ST18: variants seen among roughly 807,000 people sequenced by gnomAD.
ST18 encodes suppression of tumorigenicity 18 protein.
ST18 carries 50 observed loss-of-function variants against 110.0 expected under a neutral mutation model. The observed-to-expected ratio is 0.45, with a 90% CI of 0.36 to 0.58. The LOEUF (loss-of-function observed/expected upper bound fraction) is 0.58. Among genes scored for constraint, ST18 ranks in the 20% least tolerant of loss-of-function variants. ST18 has a pLI of 0.00. For synonymous variants in ST18, 461 were observed against 452.4 expected, an observed-to-expected ratio of 1.02 and a Z score of -0.24; for missense variants, 1,306 against 1,280.1, an observed-to-expected ratio of 1.02 and a Z score of -0.31.
chr8:52,203,115 G>C lies in ST18; in HGVS notation c.86+8964C>G, dbSNP rs72641873. Among the ~76,000 whole-genome samples the C allele has an allele frequency of 3.1e-3, 475 of 152,208 alleles. 1 individual carries two copies. The highest frequency in any genetic ancestry group is 5.2e-3 in the Non-Finnish European group (354 of 68,000). Reference sequence around the variant, plus strand: ...ATAGATTCCTTGTCTTCAAAAAGTAGGCAGTATATTAAAAAGTCAGAATTA... The same window carrying C: ...ATAGATTCCTTGTCTTCAAAAAGTACGCAGTATATTAAAAAGTCAGAATTA... On this transcript the variant is annotated intron_variant, in intron 8 of 25. Coordinates refer to ENST00000689386, the MANE Select transcript of ST18 (RefSeq NM_001352837.2).
rs74823242 is a variant in ST18 at position 52,402,216 on chromosome 8, C to T, written c.-465+7112G>A. The stretch of plus-strand genomic sequence containing the variant: ...GTGGGCACACTTAGCTGAGGGGATC[C>T]CTGTTATTATCAGGTGTGACATGGG... On this transcript the variant is annotated intron_variant, in intron 2 of 25. Coordinates refer to ENST00000689386, the MANE Select transcript of ST18 (RefSeq NM_001352837.2). Among the ~76,000 whole-genome samples, 421 of 152,226 alleles carry T rather than the reference C, an allele frequency of 2.8e-3. 4 individuals are homozygous for T. The highest frequency in any genetic ancestry group is 9.9e-3 in the African/African-American group (410 of 41,550).
At chr8:52,295,940 G>C (rs1460309828) in intron 2 of ST18, among the ~76,000 whole-genome samples, 7 of 151,850 alleles carry the variant, frequency 4.6e-5, no homozygotes, top group Admixed American at 1.3e-4. Context: ...ACAGAACAGG[G>C]GAGCAGCTGC....
chr8:52,376,985 T>C (rs13280392), intron 2 of ST18, among the ~76,000 whole-genome samples: 114,791 of 152,132 alleles, frequency 0.75, 48,226 homozygotes, highest in Non-Finnish European at 0.93. Context: ...ATATCTTAAC[T>C]AATGGTCTCT....
At chr8:52,392,974 T>A (rs930853413) in intron 2 of ST18, among the ~76,000 whole-genome samples, 1 of 152,208 alleles carries the variant, frequency 6.6e-6, no homozygotes, top group Non-Finnish European at 1.5e-5. Context: ...TAGCCTCTGA[T>A]CCTTTGTTAC....
intron 2 of ST18, among the ~76,000 whole-genome samples, chr8:52,379,604 T>C (rs1833777161): frequency 6.6e-6 from 1 of 151,948 alleles, no homozygotes; most frequent in South Asian, 2.1e-4. Flanking sequence ...CCGGTAAATA[T>C]TGAAAAAAAA....
intron 5 of ST18, among the ~76,000 whole-genome samples, chr8:52,219,800 AC>A: frequency 6.6e-6 from 1 of 152,302 alleles, no homozygotes; most frequent in South Asian, 2.1e-4. Flanking sequence ...GAAACCTGAG[AC>A]CTGAAACAAG....
intron 8 of ST18, among the ~76,000 whole-genome samples, chr8:52,192,938 C>G (rs902785720): frequency 2.0e-5 from 3 of 152,150 alleles, no homozygotes; most frequent in African/African-American, 7.2e-5. Context: ...GTCACTGACC[C>G]TGGTCACTGG....
chr8:52,137,256 A>G (rs965133036), intron 18 of ST18, among the ~76,000 whole-genome samples, 165 bp downstream of exon 18: 2 of 152,204 alleles, frequency 1.3e-5, no homozygotes, highest in Non-Finnish European at 2.9e-5. Context: ...ACCAAGAATC[A>G]TGATTTTTAT....
intron 8 of ST18, among the ~76,000 whole-genome samples, chr8:52,189,127 C>A (rs2073535732): frequency 6.6e-6 from 1 of 152,152 alleles, no homozygotes; most frequent in Non-Finnish European, 1.5e-5. Flanking sequence ...CATCTCCCCT[C>A]CTTGCCCCCA....
intron 2 of ST18, among the ~76,000 whole-genome samples, chr8:52,361,691 A>G (rs1825811701): frequency 1.3e-5 from 2 of 152,230 alleles, no homozygotes; most frequent in South Asian, 4.1e-4. Flanking sequence ...CAGCTAAACG[A>G]TGCTAAGAAA....
At chr8:52,264,395 T>G (rs941515850) in intron 2 of ST18, among the ~76,000 whole-genome samples, 2 of 152,314 alleles carry the variant, frequency 1.3e-5, no homozygotes, top group African/African-American at 4.8e-5. Context: ...CTCTAAGATT[T>G]TTTTGGAATT....
intron 2 of ST18, among the ~76,000 whole-genome samples, chr8:52,330,905 G>A (rs1040552271): frequency 6.6e-6 from 1 of 152,168 alleles, no homozygotes; most frequent in Non-Finnish European, 1.5e-5. Flanking sequence ...GCGCCTAAGA[G>A]GCACAGAAAA....
chr8:52,338,462 C>T (rs1590042264), intron 2 of ST18, among the ~76,000 whole-genome samples: 1 of 151,978 alleles, frequency 6.6e-6, no homozygotes, highest in Non-Finnish European at 1.5e-5. Context: ...TACAGTCATC[C>T]CTCAGTATCC....
At chr8:52,117,334 G>A (rs1441479796) in intron 24 of ST18, among the ~76,000 whole-genome samples, 1 of 152,104 alleles carries the variant, frequency 6.6e-6, no homozygotes, top group Admixed American at 6.6e-5. Flanking sequence ...TCTTCTTCCT[G>A]GGGGCTGGTG....
At chr8:52,248,116 T>C (rs1279024885) in intron 2 of ST18, among the ~76,000 whole-genome samples, 1 of 152,178 alleles carries the variant, frequency 6.6e-6, no homozygotes, top group Non-Finnish European at 1.5e-5. Flanking sequence ...ATCCAGACCA[T>C]ATTATTTACC....
At chr8:52,319,256 G>C (rs2096082875) in intron 2 of ST18, among the ~76,000 whole-genome samples, 1 of 152,012 alleles carries the variant, frequency 6.6e-6, no homozygotes, top group Non-Finnish European at 1.5e-5. Context: ...AAATGCATTT[G>C]CTTTCGCTCA....
At chr8:52,145,924 C>T (rs2057096315) in intron 16 of ST18, among the ~76,000 whole-genome samples, 1 of 152,066 alleles carries the variant, frequency 6.6e-6, no homozygotes, top group Non-Finnish European at 1.5e-5. Flanking sequence ...TTTCCAGATT[C>T]AGGAATTTTT....
At chr8:52,179,418 T>C (rs1207133527) in intron 9 of ST18, among the ~76,000 whole-genome samples, 1 of 152,200 alleles carries the variant, frequency 6.6e-6, no homozygotes, top group African/African-American at 2.4e-5. Context: ...AAAGAGAAAC[T>C]TAAATAACTT....
intron 2 of ST18, among the ~76,000 whole-genome samples, chr8:52,268,957 C>A (rs181190394): frequency 1.4e-4 from 21 of 152,320 alleles, no homozygotes; most frequent in Non-Finnish European, 2.8e-4. Flanking sequence ...GCGGGCAGTG[C>A]CCTCCGCAGC....
Sources: allele counts gnomAD v4.1 joint callset (sites outside exome capture counted in the v4.1 genomes callset), GRCh38; gene constraint gnomAD v4.1.1; transcripts MANE v1.5; gene names NCBI Gene and HGNC (gene_info 2026-07-23, HGNC 2026-07-21).